The following ANO3 variants were observed in gnomAD, a reference collection of about 807,000 sequenced individuals.
ANO3 encodes anoctamin-3.
A neutral mutation model predicts 144.8 loss-of-function variants in ANO3; 99 were observed. The observed-to-expected ratio is 0.68, with a 90% confidence interval of 0.58 to 0.81. The LOEUF is 0.81. ANO3 is among the 30% of genes least tolerant of loss of function. The pLI, the probability that ANO3 is intolerant of heterozygous loss-of-function variation, is 0.00. For missense variants in ANO3, 905 were observed against 1,202.2 expected, an observed-to-expected ratio of 0.75 and a Z score of 3.66; for synonymous variants, 414 against 392.6, an observed-to-expected ratio of 1.05 and a Z score of -0.64.
At chr11:26,526,227 A>T (rs1335481257) in intron 7 of ANO3, among the ~76,000 whole-genome samples, 1 of 152,150 alleles carries the variant, frequency 6.6e-6, no homozygotes, top group Non-Finnish European at 1.5e-5. Flanking sequence ...ACCTCAAAAC[A>T]TTAGCTCTTT....
chr11:26,640,393 G>C (rs180801449), intron 21 of ANO3, among the ~76,000 whole-genome samples: 2 of 152,290 alleles, frequency 1.3e-5, no homozygotes, highest in East Asian at 1.9e-4. Flanking sequence ...TAAACAAAGA[G>C]AGAATAGAAG....
At chr11:26,514,004 A>C (rs748636233) in intron 5 of ANO3, among the ~76,000 whole-genome samples, 1 of 152,280 alleles carries the variant, frequency 6.6e-6, no homozygotes, top group South Asian at 2.1e-4. Context: ...ACAAAAAGTA[A>C]AAGTATAGGC....
chr11:26,638,389 A>G (rs1252301389), intron 20 of ANO3, among the ~76,000 whole-genome samples: 2 of 152,240 alleles, frequency 1.3e-5, no homozygotes, highest in Non-Finnish European at 2.9e-5. Context: ...CCTGGTCTAA[A>G]CATAAGAAAA....
upstream of ANO3, among the ~76,000 whole-genome samples, chr11:26,307,373 G>A (rs1227856491): frequency 6.7e-6 from 1 of 148,438 alleles, no homozygotes; most frequent in African/African-American, 2.5e-5. Context: ...TAAGTAAAGG[G>A]TCTCTTTTTT....
At chr11:26,291,186 T>A (rs1344479001) in intron 1 of ANO3, among the ~76,000 whole-genome samples, 1 of 152,212 alleles carries the variant, frequency 6.6e-6, no homozygotes, top group East Asian at 1.9e-4. Flanking sequence ...TCTCTTTTGA[T>A]CTTTTTGGTT....
intron 1 of ANO3, among the ~76,000 whole-genome samples, chr11:26,232,489 T>C (rs1047788658): frequency 1.3e-5 from 2 of 152,128 alleles, no homozygotes; most frequent in African/African-American, 4.8e-5. Flanking sequence ...ATAATTTCAT[T>C]TCTTGCTTAA....
intron 1 of ANO3, among the ~76,000 whole-genome samples, chr11:26,359,160 A>C (rs920814112): frequency 6.6e-6 from 1 of 152,230 alleles, no homozygotes; most frequent in African/African-American, 2.4e-5. Flanking sequence ...AGAATGCTGG[A>C]AATTTTTATA....
intron 1 of ANO3, among the ~76,000 whole-genome samples, chr11:26,402,871 A>G (rs1350518710): frequency 6.6e-6 from 1 of 152,000 alleles, no homozygotes; most frequent in Non-Finnish European, 1.5e-5. Context: ...AAAATTAAAA[A>G]ACAGTGAGGA....
intron 1 of ANO3, among the ~76,000 whole-genome samples, chr11:26,303,348 T>C (rs1854281811): frequency 6.6e-6 from 1 of 152,116 alleles, no homozygotes; most frequent in South Asian, 2.1e-4. Context: ...ATATACACCA[T>C]ACAATACTAC....
intron 9 of ANO3, among the ~76,000 whole-genome samples, chr11:26,535,447 A>C (rs1357898077): frequency 6.6e-6 from 1 of 152,122 alleles, no homozygotes; most frequent in Non-Finnish European, 1.5e-5. Flanking sequence ...ATCAAATGTT[A>C]GTCATATCCT....
chr11:26,227,845 C>T (rs1200823427), intron 1 of ANO3, among the ~76,000 whole-genome samples: 1 of 152,096 alleles, frequency 6.6e-6, no homozygotes, highest in African/African-American at 2.4e-5. Flanking sequence ...CAATAATAAA[C>T]ACTTTTAACA....
At chr11:26,621,949 C>T (rs1449901406) in intron 17 of ANO3, among the ~76,000 whole-genome samples, 1 of 152,160 alleles carries the variant, frequency 6.6e-6, no homozygotes, top group Non-Finnish European at 1.5e-5. Flanking sequence ...CCACTTTACA[C>T]AATCACACAC....
chr11:26,234,787 A>G (rs1473596929), intron 1 of ANO3, among the ~76,000 whole-genome samples: 1 of 152,114 alleles, frequency 6.6e-6, no homozygotes, highest in East Asian at 1.9e-4. Flanking sequence ...TAGGATATAC[A>G]TAGAGTGAGA....
At chr11:26,436,124 G>A (rs961035211) in intron 1 of ANO3, among the ~76,000 whole-genome samples, 2 of 152,140 alleles carry the variant, frequency 1.3e-5, no homozygotes, top group Non-Finnish European at 1.5e-5. Context: ...GAGGAGAAGC[G>A]AGGACTGGGA....
At chr11:26,304,409 T>A (rs1854317449) in intron 1 of ANO3, among the ~76,000 whole-genome samples, 1 of 152,136 alleles carries the variant, frequency 6.6e-6, no homozygotes, top group Non-Finnish European at 1.5e-5. Context: ...ATGTTATTTA[T>A]TATTTAAAGG....
chr11:26,265,966 TGAAGGGGAA>T (rs760650026), intron 1 of ANO3, among the ~76,000 whole-genome samples: 1 of 152,206 alleles, frequency 6.6e-6, no homozygotes, highest in Admixed American at 6.5e-5. Context: ...AGCTACACAA[TGAAGGGGAA>T]AGTCCTGTCA....
intron 1 of ANO3, among the ~76,000 whole-genome samples, chr11:26,212,582 A>G (rs1053687285): frequency 6.6e-6 from 1 of 152,136 alleles, no homozygotes; most frequent in South Asian, 2.1e-4. Context: ...AGACTAAACC[A>G]GGAAGAAGCT....
chr11:26,190,386 T>TA (rs1485947147), intron 1 of ANO3, among the ~76,000 whole-genome samples: 35 of 152,262 alleles, frequency 2.3e-4, no homozygotes, highest in Non-Finnish European at 4.3e-4. Context: ...GACATTCTTT[T>TA]ATAAATTTTC....
chr11:26,428,248 A>G (rs1383554853), intron 1 of ANO3, among the ~76,000 whole-genome samples: 1 of 152,218 alleles, frequency 6.6e-6, no homozygotes, highest in Admixed American at 6.5e-5. Flanking sequence ...AACACTTAAC[A>G]AGATTAACAC....
Sources: allele counts gnomAD v4.1 joint callset (sites outside exome capture counted in the v4.1 genomes callset), GRCh38; gene constraint gnomAD v4.1.1; transcripts MANE v1.5; gene names NCBI Gene and HGNC (gene_info 2026-07-23, HGNC 2026-07-21).